Variants in EARS2 observed in about 807,000 individuals in gnomAD.
The protein encoded by EARS2 is glutamyl-tRNA synthetase 2, mitochondrial, also known as nondiscriminating glutamyl-tRNA synthetase EARS2, mitochondrial.
In EARS2, 50 loss-of-function variants were observed where a neutral mutation model predicts 54.1. The ratio of observed to expected loss-of-function variants is 0.92; its 90% CI spans 0.74 to 1.17. The LOEUF is 1.17. Among genes scored for constraint, EARS2 ranks in the 50% most tolerant of loss-of-function variants. The pLI is 0.00. For synonymous variants in EARS2, 298 were observed against 281.0 expected (o/e 1.06, Z -0.61); for missense variants, 673 against 675.0 (o/e 1.00, Z 0.03).
At position 23,534,973 on chromosome 16, in the gene EARS2, G is replaced by C. The variant is rs61742045; in HGVS notation, c.873C>G (p.Asp291Glu). The C allele has an allele frequency of 1.2e-6, 2 of 1,611,728 alleles. No individual in the cohort carries two copies. Among genetic ancestry groups the C allele is most frequent in the Admixed American group, 3.3e-5 (2 of 59,904 alleles). ...DGSKLSKRQG[D>E]VFLEHFAADG... ...CAGCAGCAAAGTGCTCCAGGAAAAC[G>C]TCCCCTTGCCTCTTGGAGAGCTTGC... The change falls in exon 4 of 9, where the codon GAC (aspartate) becomes GAG (glutamate). Residue 291 changes from aspartate (D) to glutamate (E), a missense_variant. Asp to Glu is a conservative substitution (Grantham distance 45, BLOSUM62 2). Coordinates refer to ENST00000449606, the MANE Select transcript of EARS2 (RefSeq NM_001083614.2).
At chr16:23,556,871 C>T (rs1189069144) in intron 1 of EARS2, 6 of 568,680 alleles carry the variant, frequency 1.1e-5, no homozygotes, top group African/African-American at 1.9e-5. Flanking sequence ...TGCAGACTTC[C>T]ACAGAGCAAG....
At chr16:23,553,086 C>T (rs1376278392) in intron 1 of EARS2, 1 of 375,468 alleles carries the variant, frequency 2.7e-6, no homozygotes, top group Non-Finnish European at 5.5e-6. Context: ...CATGATCACG[C>T]CTCTGCACTC....
chr16:23,527,077 C>CT (rs1411733530), intron 7 of EARS2, among the ~76,000 whole-genome samples: 1 of 152,130 alleles, frequency 6.6e-6, no homozygotes, highest in Admixed American at 6.6e-5. Flanking sequence ...ATCCTCCCAC[C>CT]TCAGCTGCCT....
intron 4 of EARS2, among the ~76,000 whole-genome samples, chr16:23,533,971 G>A (rs1014113959): frequency 2.0e-5 from 3 of 151,898 alleles, no homozygotes; most frequent in South Asian, 2.1e-4. Flanking sequence ...CAGGACAATC[G>A]CTTGAACCCA....
intron 2 of EARS2, among the ~76,000 whole-genome samples, chr16:23,548,318 T>TCA (rs1965639479): frequency 6.6e-6 from 1 of 151,384 alleles, no homozygotes; most frequent in Non-Finnish European, 1.5e-5. Flanking sequence ...CAAAGTAAGG[T>TCA]GCTCCAGAAG....
intron 5 of EARS2, among the ~76,000 whole-genome samples, chr16:23,531,055 A>ATTT (rs58745088): frequency 1.5e-5 from 2 of 133,676 alleles, no homozygotes; most frequent in African/African-American, 5.5e-5. Context: ...CGTCGGGCTG[A>ATTT]TTTTTTTTTT....
intron 2 of EARS2, among the ~76,000 whole-genome samples, chr16:23,550,335 C>G (rs1051489153): frequency 1.3e-5 from 2 of 149,500 alleles, no homozygotes; most frequent in Admixed American, 6.7e-5. Flanking sequence ...CCACTGCGCT[C>G]TAGCCTGGGC....
At position 23,534,221 on chromosome 16, in the gene EARS2, C is replaced by A. The variant is rs180969052; in HGVS notation, c.958+667G>T. 3.1e-3 allele frequency among the ~76,000 whole-genome samples: 476 copies of A among 152,352 alleles called. 8 individuals are homozygous for A. The highest frequency in any genetic ancestry group is 0.01 in the Middle Eastern group (3 of 294). ...AGTTACTCAGCTTCTCTGAGCTTCA[C>A]AATCCTCTTACAAACAGTGGAGATA... On this transcript the variant is annotated intron_variant, in intron 4 of 8. Transcript: ENST00000449606.
In EARS2 at chr16:23,521,847, T is replaced by A. The variant is rs1409201670; in HGVS notation, c.*2524A>T. On this transcript the variant is annotated 3_prime_UTR_variant, in exon 9 of 9. Transcript: ENST00000449606. ...CCATTCTTAATGTCTTAGAAACAGA[T>A]GCTCTGACAACACTCAGTAGATCAG... is the stretch of plus-strand genomic sequence containing the variant. The A allele has an allele frequency of 8.8e-6, 4 of 455,938 alleles. No homozygotes were observed. The highest frequency in any genetic ancestry group is 7.1e-5 in the Admixed American group (3 of 42,544). The allele number at this position is 455,938 out of a possible 1,614,324, so 28.2% of individuals were successfully genotyped here. A position where few individuals can be genotyped will look rare whatever the true frequency, so the allele number is the denominator to read the frequency against.
At chr16:23,539,054 T>G (rs1413915534) in intron 3 of EARS2, among the ~76,000 whole-genome samples, 1 of 145,064 alleles carries the variant, frequency 6.9e-6, no homozygotes, top group African/African-American at 2.5e-5. Context: ...CTCAGCTCAC[T>G]GCAACCTCCA....
chr16:23,531,090 G>A (rs1365071269), intron 5 of EARS2, among the ~76,000 whole-genome samples: 2 of 147,228 alleles, frequency 1.4e-5, no homozygotes, highest in African/African-American at 2.5e-5. Flanking sequence ...GTAGAAATGT[G>A]GTTTCACCAT....
At chr16:23,553,391 T>A (rs539640511) in intron 1 of EARS2, among the ~76,000 whole-genome samples, 1 of 152,224 alleles carries the variant, frequency 6.6e-6, no homozygotes, top group Admixed American at 6.5e-5. Flanking sequence ...TACATTTAAC[T>A]TACAGAAATT....
At chr16:23,547,026 C>A (rs1300503366) in intron 2 of EARS2, among the ~76,000 whole-genome samples, 1 of 152,172 alleles carries the variant, frequency 6.6e-6, no homozygotes, top group Non-Finnish European at 1.5e-5. Flanking sequence ...AAGAGGGACT[C>A]CCCTAGGAGA....
In EARS2 at chr16:23,521,164, A is replaced by G. The variant is rs1965139083; in HGVS notation, c.*3207T>C. On this transcript the variant is annotated 3_prime_UTR_variant, in exon 9 of 9. Coordinates refer to ENST00000449606, the MANE Select transcript of EARS2 (RefSeq NM_001083614.2). ...AAATTTACCATCTCAGTCATTTTTA[A>G]ATATACAGTTCAGCGGCATTACGTA... 6.6e-6 allele frequency among the ~76,000 whole-genome samples: 1 copy of G among 152,154 alleles called. No individual in the cohort carries two copies. Among genetic ancestry groups the G allele is most frequent in the Non-Finnish European group, 1.5e-5 (1 of 68,036 alleles).
intron 3 of EARS2, among the ~76,000 whole-genome samples, chr16:23,541,347 T>A (rs961249952): frequency 1.3e-5 from 2 of 151,760 alleles, no homozygotes; most frequent in South Asian, 4.1e-4. Flanking sequence ...CAACATAACA[T>A]AAAACAAAAC....
rs1965434001 is a variant in EARS2, at chr16:23,537,122, T to C, written c.486-1762A>G. 2.5e-5 allele frequency: 6 copies of C among 244,552 alleles called. No homozygotes were observed. In the South Asian group the frequency reaches 2.8e-4, roughly 11 times the overall value. The allele number at this position is 244,552 out of a possible 1,614,324, so 15.1% of individuals were successfully genotyped here. The stretch of plus-strand genomic sequence containing the variant: ...CTGGCAGGAATTCTGACAGTGAGTT[T>C]GACAAAAAGTTAAAGAAGAAAAAGT... On this transcript the variant is annotated intron_variant, in intron 3 of 8. Coordinates refer to ENST00000449606, the MANE Select transcript of EARS2 (RefSeq NM_001083614.2).
At position 23,523,059 on chromosome 16, in the gene EARS2, G is replaced by A. The variant is rs994836421; in HGVS notation, c.*1312C>T. ...CGATGTATTTTATGACTTACCCTCA[G>A]AAGTCAAACTCTCATTTCTTCAATA... On this transcript the variant is annotated 3_prime_UTR_variant, in exon 9 of 9. Coordinates refer to ENST00000449606, the MANE Select transcript of EARS2 (RefSeq NM_001083614.2). The A allele has an allele frequency of 6.6e-6, 1 of 152,202 alleles. No homozygotes were observed. The highest frequency in any genetic ancestry group is 2.4e-5 in the African/African-American group (1 of 41,458). 9.4% of individuals were successfully genotyped at this position (152,202 alleles called of 1,614,324 possible).
At chr16:23,529,463 G>A (rs200175968) in intron 7 of EARS2, 39 bp downstream of exon 7, 807 of 1,601,476 alleles carry the variant, frequency 5.0e-4, no homozygotes, top group Admixed American at 6.6e-4. Flanking sequence ...GAGAGGGAAG[G>A]AGGGTGTGGA....
rs1408043950 is a variant in EARS2 at position 23,524,285 on chromosome 16, G to A, written c.*86C>T. ...GTTCCTTCAGCAAACTTCCCGACGG[G>A]CCCCAGGCCTCCTTCTGGTCTCTGA... On this transcript the variant is annotated 3_prime_UTR_variant, in exon 9 of 9. Coordinates refer to ENST00000449606, the MANE Select transcript of EARS2 (RefSeq NM_001083614.2). The A allele has an allele frequency of 1.7e-6, 2 of 1,164,236 alleles. No individual in the cohort carries two copies. The highest frequency in any genetic ancestry group is 1.8e-5 in the Admixed American group (1 of 56,936). The allele number at this position is 1,164,236 out of a possible 1,614,324, so 72.1% of individuals were successfully genotyped here.
Sources: allele counts gnomAD v4.1 joint callset (sites outside exome capture counted in the v4.1 genomes callset), GRCh38; gene constraint gnomAD v4.1.1; transcripts MANE v1.5; gene names NCBI Gene and HGNC (gene_info 2026-07-23, HGNC 2026-07-21).